The following SLC35F4 variants were observed in gnomAD, a reference collection of about 807,000 sequenced individuals.
SLC35F4 encodes the protein chromosome 14 open reading frame 36.
SLC35F4 carries 24 observed loss-of-function variants against 44.2 expected under a neutral mutation model. That is an observed-to-expected ratio of 0.54 (90% CI 0.39 to 0.76). The LOEUF is 0.76. SLC35F4 is among the 30% of genes least tolerant of loss of function. The pLI, the probability that SLC35F4 is intolerant of heterozygous loss-of-function variation, is 0.00. For synonymous variants in SLC35F4, 238 were observed against 223.6 expected, an observed-to-expected ratio of 1.06 and a Z score of -0.57; for missense variants, 562 against 586.1, an observed-to-expected ratio of 0.96 and a Z score of 0.42.
intron 1 of SLC35F4, among the ~76,000 whole-genome samples, chr14:57,912,102 G>GT (rs1030654189): frequency 6.6e-5 from 10 of 151,786 alleles, no homozygotes; most frequent in African/African-American, 1.9e-4. Context: ...TGTTTATGAG[G>GT]TTGTAGCAAT....
chr14:57,799,731 C>T (rs946752945), intron 1 of SLC35F4, among the ~76,000 whole-genome samples: 1 of 152,236 alleles, frequency 6.6e-6, no homozygotes, highest in Non-Finnish European at 1.5e-5. Flanking sequence ...AGCACAGCTG[C>T]CTTGCCAGAT....
chr14:57,836,046 A>G (rs1258357493), intron 1 of SLC35F4, among the ~76,000 whole-genome samples: 4 of 152,178 alleles, frequency 2.6e-5, no homozygotes, highest in Non-Finnish European at 1.5e-5. Context: ...ACCTGGTATT[A>G]TTGCAATCCA....
intron 1 of SLC35F4, among the ~76,000 whole-genome samples, chr14:57,701,543 A>T (rs925855409): frequency 6.6e-6 from 1 of 152,290 alleles, no homozygotes; most frequent in South Asian, 2.1e-4. Context: ...TAGTAGGTTG[A>T]TTTACACCAG....
In SLC35F4 at chr14:57,600,713, A is replaced by AAAAAAAAC. The variant is rs1566668049; in HGVS notation, c.104-6590_104-6589insGTTTTTTT. The stretch of plus-strand genomic sequence containing the variant: ...TCTCAAAAAAAAAAAAAAAAAAAAA[A>AAAAAAAAC]AAAAAACCAAAAAGATAAAATATCA... On this transcript the variant is annotated intron_variant, in intron 1 of 7. Coordinates refer to ENST00000556826, the MANE Select transcript of SLC35F4 (RefSeq NM_001306087.2). Among the ~76,000 whole-genome samples the AAAAAAAAC allele has an allele frequency of 1.7e-4, 21 of 122,308 alleles. 2 individuals are homozygous for AAAAAAAAC. Among genetic ancestry groups the AAAAAAAAC allele is most frequent in the Non-Finnish European group, 2.5e-4 (14 of 56,900 alleles). 80.2% of individuals were successfully genotyped at this position (122,308 alleles called of 152,430 possible).
chr14:57,615,708 A>T (rs1051050676), intron 1 of SLC35F4, among the ~76,000 whole-genome samples: 2 of 152,156 alleles, frequency 1.3e-5, no homozygotes, highest in Non-Finnish European at 2.9e-5. Context: ...TTATGTGATA[A>T]ATTAAACTTA....
chr14:57,917,415 C>T (rs558354626), intron 1 of SLC35F4, among the ~76,000 whole-genome samples: 17 of 152,124 alleles, frequency 1.1e-4, no homozygotes, highest in East Asian at 1.9e-4. Flanking sequence ...TTTCAATAAA[C>T]CTTTTAGCAT....
Position 57,589,482 on chromosome 14 carries a change from G to A in SLC35F4, c.321C>T (p.Asn107=), listed in dbSNP as rs1420138592. Residue 107 remains asparagine (N), a synonymous_variant, in exon 3 of 8, where the codon AAC becomes AAT. Transcript: ENST00000556826. ...ADDGTQTHSE[N]SSQENRIKAR... is the part of the protein sequence containing the mutation. Reference sequence around the variant, plus strand: ...CCTTGATTCTGTTTTCTTGGCTGCTGTTCTCAGAATGAGTCTGTGTCCCAT... The same window carrying A: ...CCTTGATTCTGTTTTCTTGGCTGCTATTCTCAGAATGAGTCTGTGTCCCAT... The A allele has an allele frequency of 3.7e-6, 6 of 1,613,212 alleles. No individual in the cohort carries two copies. Among genetic ancestry groups the A allele is most frequent in the Non-Finnish European group, 4.2e-6 (5 of 1,179,714 alleles).
chr14:57,809,095 G>T (rs556353472), intron 1 of SLC35F4, among the ~76,000 whole-genome samples: 140 of 152,208 alleles, frequency 9.2e-4, no homozygotes, highest in Non-Finnish European at 1.2e-3. Context: ...TCCCCGCCAG[G>T]AACCTACCTC....
At chr14:57,912,284 TC>T (rs544356421) in intron 1 of SLC35F4, among the ~76,000 whole-genome samples, 1 of 151,936 alleles carries the variant, frequency 6.6e-6, no homozygotes, top group Non-Finnish European at 1.5e-5. Flanking sequence ...TTATTTCTTT[TC>T]TCCTGCTTAC....
intron 1 of SLC35F4, among the ~76,000 whole-genome samples, chr14:57,653,219 A>T (rs1180551266): frequency 6.6e-6 from 1 of 152,204 alleles, no homozygotes; most frequent in African/African-American, 2.4e-5. Flanking sequence ...AGAAGAAATA[A>T]CAGTAGGATC....
chr14:57,863,141 A>G (rs1291187231), intron 1 of SLC35F4, among the ~76,000 whole-genome samples: 5 of 152,250 alleles, frequency 3.3e-5, no homozygotes, highest in Non-Finnish European at 7.3e-5. Flanking sequence ...TGCTAGGATT[A>G]CAGACATGAG....
At chr14:57,924,120 G>T (rs1462912937) in intron 1 of SLC35F4, among the ~76,000 whole-genome samples, 4 of 152,182 alleles carry the variant, frequency 2.6e-5, no homozygotes, top group Admixed American at 2.6e-4. Flanking sequence ...AGCCATGATT[G>T]TGAGGCCTCA....
At chr14:57,784,377 T>C (rs2077704675) in intron 1 of SLC35F4, among the ~76,000 whole-genome samples, 1 of 152,200 alleles carries the variant, frequency 6.6e-6, no homozygotes. Context: ...GAAGAAGGAT[T>C]AGTACCATAT....
At chr14:57,942,292 T>G (rs1594640920) in intron 1 of SLC35F4, among the ~76,000 whole-genome samples, 1 of 152,254 alleles carries the variant, frequency 6.6e-6, no homozygotes, top group East Asian at 1.9e-4. Context: ...GAATAAATCA[T>G]TCAAACAAAA....
intron 1 of SLC35F4, among the ~76,000 whole-genome samples, chr14:57,624,961 C>T (rs759078376): frequency 2.0e-5 from 3 of 152,136 alleles, no homozygotes; most frequent in South Asian, 2.1e-4. Flanking sequence ...CCAGGGCAAT[C>T]AGGCAAGAGA....
chr14:57,653,739 A>G (rs148451981), intron 1 of SLC35F4, among the ~76,000 whole-genome samples: 1 of 152,338 alleles, frequency 6.6e-6, no homozygotes, highest in African/African-American at 2.4e-5. Context: ...GATCCTGCAG[A>G]GGTGGCCGCC....
chr14:57,684,921 G>A (rs2075023845), intron 1 of SLC35F4, among the ~76,000 whole-genome samples: 1 of 152,038 alleles, frequency 6.6e-6, no homozygotes, highest in African/African-American at 2.4e-5. Flanking sequence ...TGCCTGGGAG[G>A]GTTTAGCTCC....
At chr14:57,832,159 C>T (rs1450598304) in intron 1 of SLC35F4, among the ~76,000 whole-genome samples, 1 of 152,196 alleles carries the variant, frequency 6.6e-6, no homozygotes, top group African/African-American at 2.4e-5. Context: ...GAGGCACATA[C>T]AGCCTTCCTG....
upstream of SLC35F4, among the ~76,000 whole-genome samples, chr14:57,870,580 A>G (rs565602378): frequency 1.4e-3 from 212 of 152,368 alleles, 4 homozygotes; most frequent in South Asian, 0.042. Context: ...ATGCAGACAT[A>G]GAACGCTTTG....
Sources: gnomAD v4.1 joint callset for allele counts (sites outside exome capture counted in the v4.1 genomes callset) on GRCh38, gnomAD v4.1.1 for gene constraint, MANE v1.5 for transcripts, NCBI Gene and HGNC (gene_info 2026-07-23, HGNC 2026-07-21) for gene names.